DPF1: variants seen among roughly 807,000 people sequenced by gnomAD.
DPF1 encodes the protein zinc finger protein neuro-d4.
In DPF1, 14 loss-of-function variants were observed where a neutral mutation model predicts 58.7. The observed-to-expected ratio is 0.24, with a 90% CI of 0.16 to 0.37. The LOEUF is 0.37. Among genes scored for constraint, DPF1 ranks in the 10% least tolerant of loss-of-function variants. DPF1 has a pLI of 1.00. For missense variants in DPF1, 345 were observed against 529.9 expected, an observed-to-expected ratio of 0.65 and a Z score of 3.43; for synonymous variants, 216 against 216.0, an observed-to-expected ratio of 1.00 and a Z score of 0.00.
intron 9 of DPF1, 30 bp from the exon 10 acceptor site, chr19:38,213,786 G>T (rs372302034): frequency 7.9e-5 from 125 of 1,587,950 alleles, no homozygotes; most frequent in Non-Finnish European, 1.0e-4. Flanking sequence ...GGTGCAGTTA[G>T]GAGGTCACCG....
In DPF1 at chr19:38,213,764, C is replaced by T; in HGVS notation, c.899-8G>A. 6.2e-7 allele frequency: 1 copy of T among 1,611,988 alleles called. No individual in the cohort carries two copies. Among genetic ancestry groups the T allele is most frequent in the Non-Finnish European group, 8.5e-7 (1 of 1,178,532 alleles). On this transcript the variant is annotated splice_region_variant and splice_polypyrimidine_tract_variant and intron_variant, in intron 9 of 11. Transcript: ENST00000355526. ...GTAAACACGAGGGGTGTCCTGGGGG[C>T]CAAGGGGCAGGGGTGCAGTTAGGAG...
In DPF1 at chr19:38,212,010, C is replaced by G; in HGVS notation, c.*53G>C. 1.9e-6 allele frequency: 3 copies of G among 1,580,652 alleles called. No individual in the cohort carries two copies. The highest frequency in any genetic ancestry group is 1.1e-5 in the South Asian group (1 of 87,100). On this transcript the variant is annotated 3_prime_UTR_variant, in exon 12 of 12. Coordinates refer to ENST00000355526, the MANE Select transcript of DPF1 (RefSeq NM_001135155.3). Reference sequence around the variant, plus strand: ...CAGGGTGGGGGAGAATTGAGGAGCTCGGAGAGGCAGGTAGGCGAGCACCAC... The same window carrying G: ...CAGGGTGGGGGAGAATTGAGGAGCTGGGAGAGGCAGGTAGGCGAGCACCAC...
chr19:38,212,237 T>TGGGGGGGGGGGGGGGGGG, intron 11 of DPF1, 43 bp downstream of exon 11: 17 of 1,256,554 alleles, frequency 1.4e-5, no homozygotes, highest in Non-Finnish European at 1.9e-5. Context: ...GGAGATGGCG[T>TGGGGGGGGGGGGGGGGGG]TCCCACCCAC....
intron 9 of DPF1, among the ~76,000 whole-genome samples, chr19:38,215,424 C>T (rs191134863): frequency 1.1e-4 from 17 of 152,092 alleles, no homozygotes; most frequent in Admixed American, 2.6e-4. Context: ...ACCCAGGAGG[C>T]GGAGGTTGCA....
At chr19:38,215,730 G>A (rs1966969103) in intron 9 of DPF1, among the ~76,000 whole-genome samples, 1 of 152,060 alleles carries the variant, frequency 6.6e-6, no homozygotes, top group Non-Finnish European at 1.5e-5. Context: ...CAACACACCT[G>A]GATAATTTTT....
chr19:38,212,993 T>G (rs1008016032), intron 10 of DPF1, among the ~76,000 whole-genome samples: 28 of 150,798 alleles, frequency 1.9e-4, no homozygotes, highest in South Asian at 1.0e-3. Flanking sequence ...TTGTTTGTTT[T>G]TTTTTTTTTT....
intron 6 of DPF1, 43 bp from the exon 7 acceptor site, chr19:38,217,634 G>A (rs1967129388): frequency 6.5e-7 from 1 of 1,528,834 alleles, no homozygotes; most frequent in Non-Finnish European, 8.8e-7. Context: ...GCCCCTCCGG[G>A]CCCCTGCCGC....
chr19:38,213,602 C>T (rs568375088), intron 10 of DPF1, 42 bp downstream of exon 10: 13 of 1,567,108 alleles, frequency 8.3e-6, no homozygotes, highest in East Asian at 4.5e-5. Flanking sequence ...ACGTGCCAGG[C>T]GGGGCGGGCA....
In DPF1 at chr19:38,222,549, C is replaced by G. The variant is rs762546530; in HGVS notation, c.189G>C (p.Pro63=). The G allele has an allele frequency of 1.2e-6, 2 of 1,606,376 alleles. No individual in the cohort carries two copies. The highest frequency in any genetic ancestry group is 1.7e-6 in the Non-Finnish European group (2 of 1,176,820). ...YIWMEKTHRG[P]GLAPGQIYTY... The stretch of plus-strand genomic sequence containing the variant: ...CTGCGCCAGCCCTCCCGGCGGTACC[C>G]GGCCCGCGGTGGGTCTTCTCCATCC... Residue 63 remains proline (P), a splice_region_variant and synonymous_variant, in exon 2 of 12, where the codon CCG becomes CCC. Transcript: ENST00000355526. The surrounding 1 kb of genome is among the most constrained non-coding windows in gnomAD (Gnocchi z 4.9).
At chr19:38,228,554 G>A (rs1420323855), upstream of DPF1, 1 of 151,320 alleles carries the variant, frequency 6.6e-6, no homozygotes, top group Admixed American at 6.6e-5. Flanking sequence ...AGGAGGGGGA[G>A]GGGAGCGCCT....
Position 38,212,354 on chromosome 19 carries a change from A to G in DPF1, c.1019T>C (p.Leu340Pro). 1 of 1,397,638 alleles carries G rather than the reference A, an allele frequency of 7.2e-7. No homozygotes were observed. Among genetic ancestry groups the G allele is most frequent in the South Asian group, 1.5e-5 (1 of 64,856 alleles). The allele number at this position is 1,397,638 out of a possible 1,614,324, so 86.6% of individuals were successfully genotyped here. A position where few individuals can be genotyped will look rare whatever the true frequency, so the allele number is the denominator to read the frequency against. ...CCGATCGCAGTCATCACAAAACAGC[A>G]GCTGGTCCTGGGGGGTGAGACCCGC... ...LCGTSENDDQ[L>P]LFCDDCDRGY... The change falls in exon 11 of 12, where the codon CTG becomes CCG. Residue 340 changes from leucine to proline, a missense_variant. Transcript: ENST00000355526.
intron 10 of DPF1, 79 bp from the exon 11 acceptor site, chr19:38,212,440 T>C (rs1973521107): frequency 2.2e-6 from 1 of 461,116 alleles, no homozygotes; most frequent in Non-Finnish European, 4.0e-6. Flanking sequence ...GGGCAGGGGC[T>C]AGGTCAAGGG....
At chr19:38,220,319 A>T (rs980434882) in intron 3 of DPF1, among the ~76,000 whole-genome samples, 4 of 151,876 alleles carry the variant, frequency 2.6e-5, no homozygotes, top group Admixed American at 2.0e-4. Context: ...AAAGAAAGAA[A>T]GAAAGAGAAA....
At chr19:38,228,343 C>T (rs1254207471), upstream of DPF1, among the ~76,000 whole-genome samples, 1 of 150,798 alleles carries the variant, frequency 6.6e-6, no homozygotes, top group Non-Finnish European at 1.5e-5. Context: ...AGCCAGCAGG[C>T]GCATCCCTTC....
chr19:38,216,454 C>G, intron 7 of DPF1, 51 bp from the exon 8 acceptor site: 1 of 1,518,306 alleles, frequency 6.6e-7, no homozygotes, highest in Non-Finnish European at 8.8e-7. Flanking sequence ...CAAGGCTCCA[C>G]CCTGCCCCCA....
At position 38,224,182 on chromosome 19, in the gene DPF1, G is replaced by A. The variant is rs759275905; in HGVS notation, c.-40C>T. On this transcript the variant is annotated 5_prime_UTR_variant, in exon 1 of 12. Coordinates refer to ENST00000355526, the MANE Select transcript of DPF1 (RefSeq NM_001135155.3). The surrounding 1 kb of genome is among the most constrained non-coding windows in gnomAD (Gnocchi z 4.5). ...CCTGCCCCCAGCAGGTCCCCGCCGG[G>A]TCGGTCCTCCCAGCGGTCGGGCGGG... The A allele has an allele frequency of 9.1e-6, 13 of 1,426,666 alleles. No individual in the cohort carries two copies. Among genetic ancestry groups the A allele is most frequent in the Non-Finnish European group, 1.2e-5 (13 of 1,091,390 alleles). 88.4% of individuals were successfully genotyped at this position (1,426,666 alleles called of 1,614,324 possible).
At chr19:38,213,352 C>G (rs1973598145) in intron 10 of DPF1, among the ~76,000 whole-genome samples, 1 of 152,204 alleles carries the variant, frequency 6.6e-6, no homozygotes, top group Non-Finnish European at 1.5e-5. Flanking sequence ...AATCTCAGCT[C>G]TGCCATTTCC....
At chr19:38,225,888 C>CGA (rs1967797006), upstream of DPF1, among the ~76,000 whole-genome samples, 1 of 75,008 alleles carries the variant, frequency 1.3e-5, no homozygotes, top group Non-Finnish European at 2.9e-5. Context: ...GACCCTGTCT[C>CGA]CAAAAAAAAA....
At chr19:38,214,702 T>C (rs1212588706) in intron 9 of DPF1, among the ~76,000 whole-genome samples, 1 of 152,166 alleles carries the variant, frequency 6.6e-6, no homozygotes, top group African/African-American at 2.4e-5. Context: ...TCTCACTCTG[T>C]TGCCCAGGCT....
Sources: allele counts gnomAD v4.1 joint callset (sites outside exome capture counted in the v4.1 genomes callset), GRCh38; gene constraint gnomAD v4.1.1; non-coding constraint Gnocchi (gnomAD v3.1); transcripts MANE v1.5; gene names NCBI Gene and HGNC (gene_info 2026-07-23, HGNC 2026-07-21).